Variants in SGSM3 observed in about 807,000 individuals in gnomAD.
The protein encoded by SGSM3 is RUN and SH3 containing 3.
In SGSM3, 96 loss-of-function variants were observed where a neutral mutation model predicts 100.5. That is an observed-to-expected ratio of 0.96 (90% CI 0.81 to 1.13). SGSM3 has a LOEUF of 1.13. SGSM3 is among the 50% of genes most tolerant of loss of function. SGSM3 has a pLI of 0.00. For missense variants in SGSM3, 1,001 were observed against 1,015.8 expected (o/e 0.99, Z 0.20); for synonymous variants, 483 against 422.8 (o/e 1.14, Z -1.75).
intron 1 of SGSM3, chr22:40,373,485 T>A (rs1473431100): frequency 1.3e-5 from 2 of 152,246 alleles, no homozygotes; most frequent in Non-Finnish European, 2.9e-5. Context: ...CTACTGTGTA[T>A]ATCATCTTCT....
rs56236935 is a variant in SGSM3 at position 40,407,738 on chromosome 22, G to C, written c.1525-51G>C. ...GAGTCATATCGGGGGTGCAGGAGGC[G>C]CTGGCCCAGGGCACCCAGCTTTGGT... is the stretch of plus-strand genomic sequence containing the variant. On this transcript the variant is annotated intron_variant, in intron 13 of 21. Transcript: ENST00000248929. This position sits in a 1 kb window ranked among gnomAD's most constrained non-coding sequence, Gnocchi z 4.7. The C allele has an allele frequency of 6.2e-7, 1 of 1,604,528 alleles. No individual in the cohort carries two copies. Among genetic ancestry groups the C allele is most frequent in the Non-Finnish European group, 8.5e-7 (1 of 1,171,408 alleles).
chr22:40,394,867 A>G (rs923448543), intron 1 of SGSM3, among the ~76,000 whole-genome samples: 1 of 151,856 alleles, frequency 6.6e-6, no homozygotes, highest in South Asian at 2.1e-4. Context: ...CTCCACTCCT[A>G]CCTGCCACTT....
At chr22:40,386,466 TGATTCAGTTTCA>T (rs1419795350) in intron 1 of SGSM3, among the ~76,000 whole-genome samples, 1 of 152,090 alleles carries the variant, frequency 6.6e-6, no homozygotes, top group Admixed American at 6.5e-5. Flanking sequence ...TCCAAGTTTT[TGATTCAGTTTCA>T]GATTAAAGTA....
Position 40,407,918 on chromosome 22 carries a change from C to T in SGSM3, c.1579+75C>T, listed in dbSNP as rs370457324. ...CACAGAAGACTTGGGTGACCCTGGC[C>T]GCCACCAAGCTGTTCTCCTCTATAC... On this transcript the variant is annotated intron_variant, in intron 14 of 21. Transcript: ENST00000248929. This position sits in a 1 kb window ranked among gnomAD's most constrained non-coding sequence, Gnocchi z 4.7. 228 of 1,497,794 alleles carry T rather than the reference C, an allele frequency of 1.5e-4. No homozygotes were observed. Among genetic ancestry groups the T allele is most frequent in the East Asian group, 5.2e-4 (23 of 44,122 alleles). 92.8% of individuals were successfully genotyped at this position (1,497,794 alleles called of 1,614,324 possible). A position where few individuals can be genotyped will look rare whatever the true frequency, so the allele number is the denominator to read the frequency against.
chr22:40,410,211 A>T lies in SGSM3; in HGVS notation c.*452A>T. ...TAGAAGGCACTGCGTGGCCCCTCAG[A>T]TGCTGGGACACAACAGACCCGGGAC... On this transcript the variant is annotated 3_prime_UTR_variant, in exon 22 of 22. Coordinates refer to ENST00000248929, the MANE Select transcript of SGSM3 (RefSeq NM_015705.6). 9.4e-7 allele frequency: 1 copy of T among 1,058,994 alleles called. No homozygotes were observed. Among genetic ancestry groups the T allele is most frequent in the Non-Finnish European group, 1.1e-6 (1 of 875,992 alleles). 65.6% of individuals were successfully genotyped at this position (1,058,994 alleles called of 1,614,324 possible).
In SGSM3 at chr22:40,410,026, C is replaced by T. The variant is rs1232085168; in HGVS notation, c.*267C>T. The T allele has an allele frequency of 1.5e-6, 2 of 1,319,892 alleles. No homozygotes were observed. Among genetic ancestry groups the T allele is most frequent in the Non-Finnish European group, 1.9e-6 (2 of 1,039,612 alleles). 81.8% of individuals were successfully genotyped at this position (1,319,892 alleles called of 1,614,324 possible). A position where few individuals can be genotyped will look rare whatever the true frequency, so the allele number is the denominator to read the frequency against. On this transcript the variant is annotated 3_prime_UTR_variant, in exon 22 of 22. Coordinates refer to ENST00000248929, the MANE Select transcript of SGSM3 (RefSeq NM_015705.6). ...GAGGTGGGGGAGCCATGTCTGTGCTCAGGAAGAGGGAAGGGGATGGGGGTG... is the reference window on the plus strand; with the variant it reads ...GAGGTGGGGGAGCCATGTCTGTGCTTAGGAAGAGGGAAGGGGATGGGGGTG...
Position 40,375,202 on chromosome 22 carries a change from T to G in SGSM3, c.-112+4514T>G, listed in dbSNP as rs563572581. ...CATGTTTTGTATTTGTTTTTCTCTC[T>G]ACTAATGATGTAAATTGTTTTGGGA... On this transcript the variant is annotated intron_variant, in intron 1 of 21. Transcript: ENST00000248929. Among the ~76,000 whole-genome samples the G allele has an allele frequency of 7.2e-5, 11 of 152,364 alleles. No homozygotes were observed. In the South Asian group the frequency reaches 2.3e-3, roughly 32 times the overall value.
intron 1 of SGSM3, among the ~76,000 whole-genome samples, chr22:40,397,814 G>T (rs191269123): frequency 9.8e-4 from 149 of 152,204 alleles, no homozygotes; most frequent in Non-Finnish European, 1.9e-3. Flanking sequence ...TTTGGTCTTT[G>T]CTCAGGTGTC....
chr22:40,371,705 A>G (rs1390185863), intron 1 of SGSM3, among the ~76,000 whole-genome samples: 1 of 144,756 alleles, frequency 6.9e-6, no homozygotes, highest in East Asian at 2.0e-4. Flanking sequence ...TTTCTTTTCT[A>G]TTTTTTTTTT....
In SGSM3 at chr22:40,408,436, C is replaced by G. The variant is rs746915291; in HGVS notation, c.1782+7C>G. 1 of 1,613,282 alleles carries G rather than the reference C, an allele frequency of 6.2e-7. No individual in the cohort carries two copies. Among genetic ancestry groups the G allele is most frequent in the Non-Finnish European group, 8.5e-7 (1 of 1,179,918 alleles). On this transcript the variant is annotated splice_region_variant and intron_variant, in intron 16 of 21. Transcript: ENST00000248929. The stretch of plus-strand genomic sequence containing the variant: ...CTGGCTGTTTATCGAGGAGGTAAGT[C>G]AGTGGCTGGGCCCATGACCCCCACC...
intron 1 of SGSM3, among the ~76,000 whole-genome samples, chr22:40,372,420 T>C (rs2045766791): frequency 6.6e-6 from 1 of 152,146 alleles, no homozygotes; most frequent in South Asian, 2.1e-4. Flanking sequence ...CCACCGTGCC[T>C]GGCCCTCCCT....
At chr22:40,393,081 A>T (rs555588849) in intron 1 of SGSM3, among the ~76,000 whole-genome samples, 2 of 152,340 alleles carry the variant, frequency 1.3e-5, no homozygotes, top group South Asian at 2.1e-4. Context: ...TTATCCATCA[A>T]TTGATGGACT....
At chr22:40,382,074 G>A (rs1373487159) in intron 1 of SGSM3, among the ~76,000 whole-genome samples, 2 of 152,142 alleles carry the variant, frequency 1.3e-5, no homozygotes, top group East Asian at 3.9e-4. Context: ...CTAGCCTAGG[G>A]TGTGACACAG....
At position 40,406,676 on chromosome 22, in the gene SGSM3, G is replaced by A. The variant is rs1303012079; in HGVS notation, c.1185+14G>A. The stretch of plus-strand genomic sequence containing the variant: ...AACCTCTCTCAGGTGGCCCAGGATG[G>A]GGGGCCGCACCTTGACCCACAGCAC... On this transcript the variant is annotated intron_variant, in intron 10 of 21. Transcript: ENST00000248929. 1.9e-6 allele frequency: 3 copies of A among 1,597,022 alleles called. No homozygotes were observed. Among genetic ancestry groups the A allele is most frequent in the Non-Finnish European group, 2.6e-6 (3 of 1,167,668 alleles).
intron 7 of SGSM3, 44 bp from the exon 8 acceptor site, chr22:40,405,605 A>G (rs751131914): frequency 2.5e-6 from 4 of 1,570,992 alleles, no homozygotes; most frequent in Admixed American, 3.5e-5. Context: ...TCTAATCTGC[A>G]CAAAGACCTG....
chr22:40,401,739 C>A, intron 3 of SGSM3, 64 bp downstream of exon 3: 7 of 1,397,574 alleles, frequency 5.0e-6, no homozygotes, highest in Non-Finnish European at 4.0e-6. Flanking sequence ...GGGGACCCAG[C>A]TCTGCAGGCT....
intron 9 of SGSM3, 62 bp downstream of exon 9, chr22:40,406,285 A>G (rs1157766792): frequency 1.1e-5 from 17 of 1,600,798 alleles, no homozygotes; most frequent in Non-Finnish European, 1.4e-5. Context: ...CAGGGGAGCA[A>G]GAGACCTCCC....
intron 4 of SGSM3, among the ~76,000 whole-genome samples, 173 bp downstream of exon 4, chr22:40,402,378 C>T (rs1020578004): frequency 6.6e-6 from 1 of 152,066 alleles, no homozygotes; most frequent in African/African-American, 2.4e-5. Flanking sequence ...GAGACTTCTG[C>T]TTTTTTTGAG....
Position 40,410,089 on chromosome 22 carries a change from C to G in SGSM3, c.*330C>G, listed in dbSNP as rs2052403810. On this transcript the variant is annotated 3_prime_UTR_variant, in exon 22 of 22. Transcript: ENST00000248929. ...CTGGCCTCTTTGGTTTATAAATAAA[C>G]TGTGTCTGTCTTTGAGAAAGCACCT... 8.5e-7 allele frequency: 1 copy of G among 1,173,926 alleles called. No homozygotes were observed. The highest frequency in any genetic ancestry group is 1.7e-5 in the African/African-American group (1 of 60,464). The allele number at this position is 1,173,926 out of a possible 1,614,324, so 72.7% of individuals were successfully genotyped here.
Sources: gnomAD v4.1 joint callset for allele counts (sites outside exome capture counted in the v4.1 genomes callset) on GRCh38, gnomAD v4.1.1 for gene constraint, Gnocchi (gnomAD v3.1) non-coding constraint, MANE v1.5 for transcripts, NCBI Gene and HGNC (gene_info 2026-07-23, HGNC 2026-07-21) for gene names.